Variants in TSPAN9 observed in about 807,000 individuals in gnomAD.
TSPAN9 encodes tetraspanin 9.
Under a neutral mutation model 31.0 loss-of-function variants are expected in TSPAN9, and 16 were observed. The observed-to-expected ratio is 0.52, with a 90% confidence interval of 0.35 to 0.78. The LOEUF (loss-of-function observed/expected upper bound fraction) is 0.78. TSPAN9 is among the 30% of genes least tolerant of loss of function. TSPAN9 has a pLI of 0.01. For missense variants in TSPAN9, 272 were observed against 312.5 expected (o/e 0.87, Z 0.98); for synonymous variants, 145 against 121.6 (o/e 1.19, Z -1.27).
Position 3,121,533 on chromosome 12 carries a change from C to CGTTT in TSPAN9, c.-18+37814_-18+37815insGTTT, listed in dbSNP as rs1426241959. 3.1e-4 allele frequency among the ~76,000 whole-genome samples: 29 copies of CGTTT among 92,912 alleles called. 4 individuals carry two copies. Among genetic ancestry groups the CGTTT allele is most frequent in the East Asian group, 6.8e-4 (2 of 2,934 alleles). 61.0% of individuals were successfully genotyped at this position (92,912 alleles called of 152,430 possible). A position where few individuals can be genotyped will look rare whatever the true frequency, so the allele number is the denominator to read the frequency against. ...TGCCACCATATCTGGCTAATTAAAA[C>CGTTT]TTTTTTTTTTTTTTTTTTTTTTTTT... On this transcript the variant is annotated intron_variant, in intron 2 of 8. Transcript: ENST00000011898.
chr12:3,081,363 A>T (rs1270922131), intron 1 of TSPAN9, among the ~76,000 whole-genome samples: 1 of 151,202 alleles, frequency 6.6e-6, no homozygotes, highest in Non-Finnish European at 1.5e-5. Context: ...CCTTATCGCC[A>T]CTCTCCTCCC....
rs917200913 is a variant in TSPAN9, at chr12:3,280,140, G to C, written c.331-242G>C. On this transcript the variant is annotated intron_variant, in intron 5 of 8. Coordinates refer to ENST00000011898, the MANE Select transcript of TSPAN9 (RefSeq NM_006675.5). This position sits in a 1 kb window ranked among gnomAD's most constrained non-coding sequence, Gnocchi z 4.5. ...CCCTGGCCCTGAGTTTAGCTCTGCC[G>C]GGAGGCGGTGGGTGCACCAGGGCCT... is the stretch of plus-strand genomic sequence containing the variant. Among the ~76,000 whole-genome samples, 1 of 152,070 alleles carries C rather than the reference G, an allele frequency of 6.6e-6. No individual in the cohort carries two copies. The highest frequency in any genetic ancestry group is 1.5e-5 in the Non-Finnish European group (1 of 67,998).
chr12:3,241,851 G>A (rs1296729044), intron 3 of TSPAN9, among the ~76,000 whole-genome samples: 2 of 152,178 alleles, frequency 1.3e-5, no homozygotes, highest in Non-Finnish European at 2.9e-5. Context: ...CCGTGTCCTG[G>A]CCGAAGATCA....
rs1463976302 is a variant in TSPAN9, at chr12:3,247,841, C to T, written c.64-30580C>T. On this transcript the variant is annotated intron_variant, in intron 3 of 8. Transcript: ENST00000011898. Reference sequence around the variant, plus strand: ...TGTTTCCCACTGCTGGGCTCCCAGACTCACTATTGAGAGGAGGAGCTCCCC... The same window carrying T: ...TGTTTCCCACTGCTGGGCTCCCAGATTCACTATTGAGAGGAGGAGCTCCCC... 2.0e-5 allele frequency among the ~76,000 whole-genome samples: 3 copies of T among 152,302 alleles called. No individual in the cohort carries two copies. The South Asian group carries it at 6.2e-4, about 32-fold the overall frequency.
rs137865614 is a variant in TSPAN9 at position 3,081,134 on chromosome 12, A to G, written c.-84-2519A>G. On this transcript the variant is annotated intron_variant, in intron 1 of 8. Coordinates refer to ENST00000011898, the MANE Select transcript of TSPAN9 (RefSeq NM_006675.5). The stretch of plus-strand genomic sequence containing the variant: ...ATGAGCTGATGTATGTGAGGCACGT[A>G]GCTCAGGGCCTCATATACAGCAGGT... 2.6e-3 allele frequency among the ~76,000 whole-genome samples: 398 copies of G among 152,348 alleles called. 2 individuals are homozygous for G. Among genetic ancestry groups the G allele is most frequent in the African/African-American group, 8.9e-3 (372 of 41,582 alleles).
At chr12:3,171,081 AAC>A (rs1373891850) in intron 2 of TSPAN9, among the ~76,000 whole-genome samples, 1 of 152,034 alleles carries the variant, frequency 6.6e-6, no homozygotes, top group Admixed American at 6.6e-5. Context: ...GGATTATGGG[AAC>A]AGTTTCCCAG....
chr12:3,157,334 C>T (rs961965936), intron 2 of TSPAN9, among the ~76,000 whole-genome samples: 8 of 152,230 alleles, frequency 5.3e-5, no homozygotes, highest in Middle Eastern at 3.4e-3. Flanking sequence ...ATCTCCTGAC[C>T]GCATGATCCC....
At chr12:3,166,899 T>A (rs11837854) in intron 2 of TSPAN9, among the ~76,000 whole-genome samples, 1 of 152,086 alleles carries the variant, frequency 6.6e-6, no homozygotes, top group Non-Finnish European at 1.5e-5. Flanking sequence ...CAGGTTCAAG[T>A]GATTCTCCTG....
At chr12:3,247,013 G>A (rs576595169) in intron 3 of TSPAN9, among the ~76,000 whole-genome samples, 29 of 152,260 alleles carry the variant, frequency 1.9e-4, no homozygotes, top group African/African-American at 7.0e-4. Context: ...AGCACAGCCT[G>A]GGAGAATGGG....
At chr12:3,219,883 T>C (rs1036146092) in intron 3 of TSPAN9, among the ~76,000 whole-genome samples, 38 of 147,828 alleles carry the variant, frequency 2.6e-4, no homozygotes, top group African/African-American at 9.2e-4. Flanking sequence ...GGCTGGGTGC[T>C]GTGGCCCACG....
At chr12:3,097,935 C>T (rs2098309951) in intron 2 of TSPAN9, among the ~76,000 whole-genome samples, 1 of 152,246 alleles carries the variant, frequency 6.6e-6, no homozygotes, top group Non-Finnish European at 1.5e-5. Context: ...GTGAGCACCT[C>T]CTCCGTGGAA....
At chr12:3,256,533 C>T (rs1046441893) in intron 3 of TSPAN9, among the ~76,000 whole-genome samples, 3 of 152,192 alleles carry the variant, frequency 2.0e-5, no homozygotes, top group Non-Finnish European at 2.9e-5. Context: ...CTGCCTCTAG[C>T]GTAATCGTCG....
intron 2 of TSPAN9, among the ~76,000 whole-genome samples, chr12:3,085,269 T>G (rs536264594): frequency 6.6e-6 from 1 of 150,994 alleles, no homozygotes; most frequent in Admixed American, 6.6e-5. Flanking sequence ...CGTCCTGCTG[T>G]GCGGCATGTC....
intron 3 of TSPAN9, among the ~76,000 whole-genome samples, chr12:3,213,501 G>A (rs1239375339): frequency 6.6e-6 from 1 of 152,194 alleles, no homozygotes; most frequent in Non-Finnish European, 1.5e-5. Flanking sequence ...CCTGGTTGGG[G>A]AGGAGGTTCA....
At position 3,146,040 on chromosome 12, in the gene TSPAN9, G is replaced by A. The variant is rs566323144; in HGVS notation, c.-17-55137G>A. Among the ~76,000 whole-genome samples, 7 of 152,356 alleles carry A rather than the reference G, an allele frequency of 4.6e-5. No individual in the cohort carries two copies. The South Asian group carries it at 1.0e-3, about 23-fold the overall frequency. On this transcript the variant is annotated intron_variant, in intron 2 of 8. Transcript: ENST00000011898. ...ACGAGGCTCCCGCAGGCACAGGCAC[G>A]AGGACGCTTTCCCACTTTGAGGCTG...
Position 3,187,070 on chromosome 12 carries a change from T to A in TSPAN9, c.-17-14107T>A, listed in dbSNP as rs1323542576. ...CGGGGCTTTTCCCCTGTAGAGCTGA[T>A]TGTTGAACGTCTGCCAGCCCACCAC... On this transcript the variant is annotated intron_variant, in intron 2 of 8. Transcript: ENST00000011898. The surrounding 1 kb of genome is among the most constrained non-coding windows in gnomAD (Gnocchi z 5.2). Among the ~76,000 whole-genome samples the A allele has an allele frequency of 1.3e-5, 2 of 152,134 alleles. No individual in the cohort carries two copies. Among genetic ancestry groups the A allele is most frequent in the Admixed American group, 1.3e-4 (2 of 15,274 alleles).
chr12:3,244,598 G>A (rs141464450), intron 3 of TSPAN9, among the ~76,000 whole-genome samples: 14 of 152,290 alleles, frequency 9.2e-5, no homozygotes, highest in East Asian at 3.9e-4. Flanking sequence ...ACGCCCCACC[G>A]GACCACGCGC....
chr12:3,277,907 C>T (rs1049938383), intron 3 of TSPAN9, among the ~76,000 whole-genome samples: 7 of 152,214 alleles, frequency 4.6e-5, no homozygotes, highest in Admixed American at 1.3e-4. Context: ...AATGGCCCTT[C>T]GGGTCAGAGT....
Position 3,127,441 on chromosome 12 carries a change from C to T in TSPAN9, c.-18+43722C>T, listed in dbSNP as rs181594948. The stretch of plus-strand genomic sequence containing the variant: ...CGCAATCTCGGCTCACTGCAAGCTC[C>T]GTCTCCTGGGTTCACGCCATTCTCC... On this transcript the variant is annotated intron_variant, in intron 2 of 8. Coordinates refer to ENST00000011898, the MANE Select transcript of TSPAN9 (RefSeq NM_006675.5). 3.4e-3 allele frequency among the ~76,000 whole-genome samples: 521 copies of T among 152,064 alleles called. 2 individuals are homozygous for T. The highest frequency in any genetic ancestry group is 0.012 in the African/African-American group (497 of 41,482).
Sources: gnomAD v4.1 joint callset for allele counts (sites outside exome capture counted in the v4.1 genomes callset) on GRCh38, gnomAD v4.1.1 for gene constraint, Gnocchi (gnomAD v3.1) non-coding constraint, MANE v1.5 for transcripts, NCBI Gene and HGNC (gene_info 2026-07-23, HGNC 2026-07-21) for gene names.